The following MICU2 variants were observed in gnomAD, a reference collection of about 807,000 sequenced individuals.
MICU2 encodes the protein calcium uptake protein 2, mitochondrial.
MICU2 carries 64 observed loss-of-function variants against 60.4 expected under a neutral mutation model. That is an observed-to-expected ratio of 1.06 (90% confidence interval 0.87 to 1.31). The LOEUF is 1.31. Ranked by LOEUF, MICU2 falls within the 50% of genes most tolerant of loss-of-function variation. MICU2 has a pLI of 0.00. For synonymous variants in MICU2, 201 were observed against 175.0 expected, an observed-to-expected ratio of 1.15 and a Z score of -1.17; for missense variants, 569 against 531.0, an observed-to-expected ratio of 1.07 and a Z score of -0.70.
intron 6 of MICU2, among the ~76,000 whole-genome samples, chr13:21,517,813 G>GCA (rs1404477123): frequency 2.1e-3 from 297 of 142,222 alleles, no homozygotes; most frequent in African/African-American, 7.1e-3. Flanking sequence ...GCGCGCGCGC[G>GCA]CACACGCGCT....
chr13:21,539,423 T>C (rs751651127), intron 3 of MICU2, 46 bp from the exon 4 acceptor site: 3 of 1,564,938 alleles, frequency 1.9e-6, no homozygotes, highest in Admixed American at 1.8e-5. Context: ...GTTCATTTTC[T>C]TTGTAGCTGG....
At chr13:21,599,853 C>A (rs983003549) in intron 1 of MICU2, among the ~76,000 whole-genome samples, 4 of 152,150 alleles carry the variant, frequency 2.6e-5, no homozygotes, top group Non-Finnish European at 5.9e-5. Context: ...AAAGTGTTTT[C>A]ATTTTGAAGA....
chr13:21,565,458 C>T (rs1475602279), intron 2 of MICU2, among the ~76,000 whole-genome samples: 1 of 152,028 alleles, frequency 6.6e-6, no homozygotes, highest in African/African-American at 2.4e-5. Flanking sequence ...GGGATTGAGA[C>T]CATCCTGGCA....
intron 2 of MICU2, among the ~76,000 whole-genome samples, chr13:21,548,633 T>A (rs1887470152): frequency 6.6e-6 from 1 of 152,220 alleles, no homozygotes; most frequent in Non-Finnish European, 1.5e-5. Context: ...ACGGGGCTAG[T>A]GAAGCTGTGG....
chr13:21,541,149 A>G (rs1481572722), intron 2 of MICU2, among the ~76,000 whole-genome samples: 2 of 152,136 alleles, frequency 1.3e-5, no homozygotes. Flanking sequence ...AATTTAAGGT[A>G]GCAAAATGGA....
At chr13:21,555,742 T>C (rs1887690691) in intron 2 of MICU2, among the ~76,000 whole-genome samples, 1 of 151,556 alleles carries the variant, frequency 6.6e-6, no homozygotes, top group Non-Finnish European at 1.5e-5. Flanking sequence ...CTCAATACCT[T>C]CCCCCCCTCT....
chr13:21,568,844 G>T (rs1332225080), intron 1 of MICU2, among the ~76,000 whole-genome samples: 3 of 150,328 alleles, frequency 2.0e-5, no homozygotes. Flanking sequence ...AAGAAATTCT[G>T]TTTTTTTTTT....
In MICU2 at chr13:21,496,093, G is replaced by T; in HGVS notation, c.1001C>A (p.Ala334Asp). The T allele has an allele frequency of 1.2e-6, 2 of 1,614,010 alleles. No homozygotes were observed. The highest frequency in any genetic ancestry group is 1.7e-6 in the Non-Finnish European group (2 of 1,179,944). ...FTTHLEDFAI[A>D]MQMFSLAHRP... ...ATGAGCTAAACTGAACATCTGCATG[G>T]CAATAGCAAAGTCTTCCAAGTGGGT... is the stretch of plus-strand genomic sequence containing the variant. The change falls in exon 10 of 12, where the codon GCC becomes GAC. Residue 334 changes from alanine to aspartate, a missense_variant. Physicochemically the swap from Ala to Asp is moderately radical, Grantham distance 126. Transcript: ENST00000382374.
intron 2 of MICU2, chr13:21,551,235 C>G (rs1412973172): frequency 6.6e-6 from 1 of 152,476 alleles, no homozygotes; most frequent in East Asian, 1.9e-4. Context: ...ACTTTTGCAG[C>G]TGAACACAGT....
intron 2 of MICU2, among the ~76,000 whole-genome samples, chr13:21,555,749 C>G (rs550026895): frequency 8.5e-5 from 13 of 152,172 alleles, no homozygotes; most frequent in African/African-American, 2.6e-4. Flanking sequence ...CCTTCCCCCC[C>G]TCTTCACTCT....
intron 7 of MICU2, among the ~76,000 whole-genome samples, chr13:21,512,244 A>G (rs919152657): frequency 3.3e-5 from 5 of 152,042 alleles, no homozygotes; most frequent in African/African-American, 1.2e-4. Context: ...GTTTTTGCCT[A>G]TTTTCTTTGG....
intron 4 of MICU2, among the ~76,000 whole-genome samples, chr13:21,526,161 C>T (rs1185690814): frequency 1.4e-5 from 2 of 146,540 alleles, no homozygotes; most frequent in Admixed American, 1.4e-4. Flanking sequence ...CCTATGTTGC[C>T]CTGGCTGGTC....
intron 2 of MICU2, among the ~76,000 whole-genome samples, chr13:21,549,146 G>T (rs937731869): frequency 6.6e-6 from 1 of 151,890 alleles, no homozygotes; most frequent in East Asian, 1.9e-4. Context: ...AGCCAGGATG[G>T]TCTTGATCTC....
chr13:21,603,826 C>A, intron 1 of MICU2, 113 bp downstream of exon 1: 1 of 1,194,476 alleles, frequency 8.4e-7, no homozygotes, highest in Non-Finnish European at 1.2e-6. Context: ...TCCGCAGCGG[C>A]ACCTCCACCC....
chr13:21,536,893 C>G (rs1351957236), intron 4 of MICU2, among the ~76,000 whole-genome samples: 1 of 152,202 alleles, frequency 6.6e-6, no homozygotes, highest in Non-Finnish European at 1.5e-5. Flanking sequence ...ATGCCAACTT[C>G]TATTTTAGCT....
rs551651860 is a variant in MICU2, at chr13:21,521,292, G to A, written c.550C>T (p.Leu184=). 2 of 1,609,646 alleles carry A rather than the reference G, an allele frequency of 1.2e-6. No homozygotes were observed. Among genetic ancestry groups the A allele is most frequent in the African/African-American group, 2.7e-5 (2 of 74,776 alleles). Residue 184 remains leucine (L), a synonymous_variant, in exon 6 of 12, where the codon CTG becomes TTG. Transcript: ENST00000382374. ...HSGFHVAFKM[L]DTDGNEMIEK... Reference sequence around the variant, plus strand: ...ATCATCTCATTACCATCTGTATCCAGCATTTTAAAAGCAACATGAAATCCA... The same window carrying A: ...ATCATCTCATTACCATCTGTATCCAACATTTTAAAAGCAACATGAAATCCA...
At chr13:21,519,768 GCCT>G (rs1886671277) in intron 6 of MICU2, among the ~76,000 whole-genome samples, 1 of 152,120 alleles carries the variant, frequency 6.6e-6, no homozygotes, top group South Asian at 2.1e-4. Context: ...CTCAACTCAG[GCCT>G]CCTAAGAATT....
intron 1 of MICU2, among the ~76,000 whole-genome samples, chr13:21,575,996 G>A (rs1429407820): frequency 1.3e-5 from 2 of 152,130 alleles, no homozygotes; most frequent in Non-Finnish European, 2.9e-5. Flanking sequence ...AAAATGGTGG[G>A]TGAAGAGGAA....
intron 10 of MICU2, 35 bp from the exon 11 acceptor site, chr13:21,495,353 G>A: frequency 1.3e-6 from 2 of 1,496,620 alleles, no homozygotes; most frequent in South Asian, 1.4e-5. Context: ...TATCAACTAT[G>A]TGAAATAGTC....
Sources: gnomAD v4.1 joint callset for allele counts (sites outside exome capture counted in the v4.1 genomes callset) on GRCh38, gnomAD v4.1.1 for gene constraint, MANE v1.5 for transcripts, NCBI Gene and HGNC (gene_info 2026-07-23, HGNC 2026-07-21) for gene names.